The following GSE1 variants were observed in gnomAD, a reference collection of about 807,000 sequenced individuals.
The protein encoded by GSE1 is Gse1 coiled-coil protein.
A neutral mutation model predicts 112.6 loss-of-function variants in GSE1; 32 were observed. That is an observed-to-expected ratio of 0.28 (90% confidence interval 0.21 to 0.38). The LOEUF (loss-of-function observed/expected upper bound fraction) is 0.38. Among genes scored for constraint, GSE1 ranks in the 10% least tolerant of loss-of-function variants. The probability of loss-of-function intolerance (pLI) is 1.00; values close to 1 mark genes in which losing one functional copy is unlikely to be tolerated. For synonymous variants in GSE1, 1,115 were observed against 735.6 expected, an observed-to-expected ratio of 1.52 and a Z score of -8.35; for missense variants, 2,348 against 1,699.2, an observed-to-expected ratio of 1.38 and a Z score of -6.71.
At chr16:85,233,047 A>T (rs184500240) in intron 1 of GSE1, among the ~76,000 whole-genome samples, 7 of 152,232 alleles carry the variant, frequency 4.6e-5, no homozygotes, top group Admixed American at 6.5e-5. Context: ...CTTTGGTCCC[A>T]GTGGCCTTGC....
chr16:85,171,330 C>T, exon 1 of GSE1: 1 of 985,530 alleles, frequency 1.0e-6, no homozygotes, highest in Non-Finnish European at 1.2e-6. Context: ...AGCTGGGCCC[C>T]GGGAAGGAGT....
intron 2 of GSE1, among the ~76,000 whole-genome samples, chr16:85,388,748 A>G (rs2047765397): frequency 6.6e-6 from 1 of 152,120 alleles, no homozygotes; most frequent in African/African-American, 2.4e-5. Flanking sequence ...GGAAGGAAGG[A>G]AAGATGGAAA....
At chr16:85,554,669 C>T (rs960713765), upstream of GSE1, among the ~76,000 whole-genome samples, 27 of 152,078 alleles carry the variant, frequency 1.8e-4, no homozygotes, top group African/African-American at 6.0e-4. Context: ...CGCAACCCCG[C>T]GTGGGTTCCA....
chr16:85,189,032 C>G (rs1013355939), intron 1 of GSE1, among the ~76,000 whole-genome samples: 2 of 152,188 alleles, frequency 1.3e-5, no homozygotes, highest in African/African-American at 4.8e-5. Flanking sequence ...ACACATTTCC[C>G]TGCACACGCT....
At chr16:85,465,381 C>A (rs1444849133) in intron 2 of GSE1, among the ~76,000 whole-genome samples, 1 of 152,246 alleles carries the variant, frequency 6.6e-6, no homozygotes, top group African/African-American at 2.4e-5. Context: ...CAGGCCTGGG[C>A]TCCCATCTGG....
chr16:85,640,014 C>T (rs1258107127), intron 2 of GSE1, among the ~76,000 whole-genome samples: 3 of 152,178 alleles, frequency 2.0e-5, no homozygotes, highest in Admixed American at 6.5e-5. Flanking sequence ...TCTGGGAGGC[C>T]GGCGCTTTGG....
chr16:85,288,612 C>T (rs899397496), intron 1 of GSE1, among the ~76,000 whole-genome samples: 1 of 152,234 alleles, frequency 6.6e-6, no homozygotes, highest in Non-Finnish European at 1.5e-5. Flanking sequence ...TGTGGGGAGA[C>T]ACCCCTGCCA....
rs1369128552 is a variant in GSE1 at position 85,331,705 on chromosome 16, ATAT to A, written c.2284-25756_2284-25754del. ...TGTGTGTATATATATATATATATAT[ATAT>A]TTTTTTTTTTTTTTTTTTTAGTTAA... On this transcript the variant is annotated intron_variant, in intron 1 of 2. Transcript: ENST00000637419. 4.4e-3 allele frequency among the ~76,000 whole-genome samples: 230 copies of A among 52,856 alleles called. 23 individuals are homozygous for A. The highest frequency in any genetic ancestry group is 0.016 in the Middle Eastern group (1 of 62). 34.7% of individuals were successfully genotyped at this position (52,856 alleles called of 152,430 possible).
intron 1 of GSE1, among the ~76,000 whole-genome samples, chr16:85,256,689 G>A (rs562280440): frequency 9.2e-5 from 14 of 152,360 alleles, no homozygotes; most frequent in African/African-American, 3.4e-4. Flanking sequence ...GTCTGTCCCC[G>A]TCACGGGGTG....
chr16:85,359,623 C>T (rs1462731046), intron 2 of GSE1, among the ~76,000 whole-genome samples: 1 of 152,240 alleles, frequency 6.6e-6, no homozygotes, highest in Non-Finnish European at 1.5e-5. Flanking sequence ...ACCAAGTCTG[C>T]CTTTTTCCCA....
chr16:85,428,796 G>A (rs556347369), intron 2 of GSE1, among the ~76,000 whole-genome samples: 3 of 152,316 alleles, frequency 2.0e-5, no homozygotes, highest in South Asian at 2.1e-4. Flanking sequence ...GGAGCGGGCT[G>A]GGGGATCCTT....
At chr16:85,665,902 C>T in intron 12 of GSE1, 74 bp from the exon 13 acceptor site, 2 of 1,432,170 alleles carry the variant, frequency 1.4e-6, no homozygotes, top group Non-Finnish European at 2.0e-6. Flanking sequence ...CTCTAGAGAC[C>T]AGGATCTGCG....
rs763031087 is a variant in GSE1, at chr16:85,672,488, C to T, written c.3603C>T (p.Ala1201=). 6.2e-7 allele frequency: 1 copy of T among 1,611,404 alleles called. No homozygotes were observed. Among genetic ancestry groups the T allele is most frequent in the South Asian group, 1.1e-5 (1 of 90,906 alleles). ...AELDHLRKCL[A]LPAMHWPRGY... is the part of the protein sequence containing the mutation. ...TGGACCACTTACGAAAGTGCCTTGCCTTGCCTGCAATGCACTGGCCTAGGG... is the reference window on the plus strand; with the variant it reads ...TGGACCACTTACGAAAGTGCCTTGCTTTGCCTGCAATGCACTGGCCTAGGG... Residue 1201 remains alanine, a synonymous_variant, in exon 16 of 16, where the codon GCC becomes GCT. Transcript: ENST00000253458.
At chr16:85,360,366 C>T (rs539250895) in intron 2 of GSE1, among the ~76,000 whole-genome samples, 56 of 152,260 alleles carry the variant, frequency 3.7e-4, no homozygotes, top group African/African-American at 1.2e-3. Flanking sequence ...TGCCCTGCGG[C>T]CGGGTGGGGG....
chr16:85,449,003 A>G (rs1358765941), intron 2 of GSE1, among the ~76,000 whole-genome samples: 2 of 152,256 alleles, frequency 1.3e-5, no homozygotes, highest in East Asian at 3.9e-4. Flanking sequence ...TCGCCTGAGC[A>G]GGAGGCCTCT....
Position 85,655,832 on chromosome 16 carries a change from T to A in GSE1, c.904T>A (p.Ser302Thr), listed in dbSNP as rs753782939. 6.2e-7 allele frequency: 1 copy of A among 1,609,826 alleles called. No homozygotes were observed. The highest frequency in any genetic ancestry group is 2.2e-5 in the East Asian group (1 of 44,848). ...LHPSAMHLHL[S>T]GVRYPPELSH... is the part of the protein sequence containing the mutation. ...CCCATCAGCGATGCACCTGCACCTC[T>A]CTGGGGTCCGCTACCCTCCCGAGCT... is the stretch of plus-strand genomic sequence containing the variant. Residue 302 changes from serine to threonine, a missense_variant, in exon 6 of 16, where the codon TCT (serine) becomes ACT (threonine). Coordinates refer to ENST00000253458, the MANE Select transcript of GSE1 (RefSeq NM_014615.5).
intron 2 of GSE1, among the ~76,000 whole-genome samples, chr16:85,460,481 T>C (rs2049941215): frequency 6.6e-6 from 1 of 152,198 alleles, no homozygotes; most frequent in South Asian, 2.1e-4. Flanking sequence ...TGCTAGACAA[T>C]GGGAAGAAAG....
At chr16:85,207,546 C>T (rs1318185723) in intron 1 of GSE1, among the ~76,000 whole-genome samples, 4 of 112,298 alleles carry the variant, frequency 3.6e-5, no homozygotes, top group African/African-American at 7.2e-5. Context: ...GCACCCTGCC[C>T]CAGCGGCAGG....
At chr16:85,485,721 C>T (rs2050813770) in intron 2 of GSE1, among the ~76,000 whole-genome samples, 1 of 152,360 alleles carries the variant, frequency 6.6e-6, no homozygotes, top group South Asian at 2.1e-4. Flanking sequence ...ATCAGTGTGC[C>T]CGTAATTGTT....
Sources: gnomAD v4.1 joint callset for allele counts (sites outside exome capture counted in the v4.1 genomes callset) on GRCh38, gnomAD v4.1.1 for gene constraint, MANE v1.5 for transcripts, NCBI Gene and HGNC (gene_info 2026-07-23, HGNC 2026-07-21) for gene names.